The following CAPS2 variants were observed in gnomAD, a reference collection of about 807,000 sequenced individuals.
CAPS2 encodes the protein calcyphosin-2.
In CAPS2, 98 loss-of-function variants were observed where a neutral mutation model predicts 86.5. The ratio of observed to expected loss-of-function variants is 1.13; its 90% confidence interval spans 0.96 to 1.34. The LOEUF is 1.34. Ranked by LOEUF, CAPS2 falls within the 40% of genes most tolerant of loss-of-function variation. CAPS2 has a pLI of 0.00. For synonymous variants in CAPS2, 210 were observed against 225.1 expected, an observed-to-expected ratio of 0.93 and a Z score of 0.60; for missense variants, 729 against 686.8, an observed-to-expected ratio of 1.06 and a Z score of -0.69.
At chr12:75,350,015 A>G (rs2139425346) in intron 1 of CAPS2, among the ~76,000 whole-genome samples, 1 of 152,330 alleles carries the variant, frequency 6.6e-6, no homozygotes, top group Admixed American at 6.5e-5. Flanking sequence ...GGTGCCCACC[A>G]CCACTGTGGC....
rs2044597039 is a variant in CAPS2 at position 75,375,347 on chromosome 12, C to T, written c.-395+15491G>A. ...GGAGGACCACAATGATGTTTTGGAT[C>T]CCCGGGAATCAATGTCAGCTCAGAG... On this transcript the variant is annotated intron_variant, in intron 1 of 5. Coordinates refer to the CAPS2 transcript ENST00000551829. 2.0e-5 allele frequency among the ~76,000 whole-genome samples: 3 copies of T among 152,124 alleles called. No homozygotes were observed. In the South Asian group the frequency reaches 6.2e-4, roughly 32 times the overall value.
At chr12:75,383,410 T>C (rs1001906777) in intron 1 of CAPS2, among the ~76,000 whole-genome samples, 5 of 152,106 alleles carry the variant, frequency 3.3e-5, no homozygotes, top group African/African-American at 9.7e-5. Context: ...GCAGCCAACT[T>C]CAAAACAAGG....
At chr12:75,310,424 G>C (rs186299941) in intron 7 of CAPS2, among the ~76,000 whole-genome samples, 1 of 152,128 alleles carries the variant, frequency 6.6e-6, no homozygotes, top group African/African-American at 2.4e-5. Flanking sequence ...GGCATTCCAA[G>C]AAGAGGGGAA....
chr12:75,378,579 T>C (rs1252825420), intron 1 of CAPS2, among the ~76,000 whole-genome samples: 2 of 152,186 alleles, frequency 1.3e-5, no homozygotes, highest in Non-Finnish European at 1.5e-5. Flanking sequence ...AGTCCAAATG[T>C]TGAAAACTCA....
chr12:75,377,685 G>A (rs2044723141), intron 1 of CAPS2, among the ~76,000 whole-genome samples: 1 of 152,050 alleles, frequency 6.6e-6, no homozygotes, highest in East Asian at 1.9e-4. Flanking sequence ...GCAGCTGACT[G>A]GATGGTACCT....
chr12:75,362,269 C>A (rs1184987556), intron 1 of CAPS2, among the ~76,000 whole-genome samples: 3 of 152,072 alleles, frequency 2.0e-5, no homozygotes, highest in Non-Finnish European at 4.4e-5. Context: ...TGCTCATCAT[C>A]ATTCATCATT....
chr12:75,386,009 T>C (rs1309495056), intron 1 of CAPS2, among the ~76,000 whole-genome samples: 1 of 152,178 alleles, frequency 6.6e-6, no homozygotes, highest in African/African-American at 2.4e-5. Flanking sequence ...ATTTGTTCAT[T>C]CTATTTCCTT....
upstream of CAPS2, chr12:75,334,867 A>G (rs781691819): frequency 1.2e-6 from 2 of 1,614,164 alleles, no homozygotes; most frequent in Non-Finnish European, 1.7e-6. Context: ...ATGGCGTGGC[A>G]AAGTCAACCC....
At chr12:75,334,882 G>A (rs753126967), upstream of CAPS2, 2 of 1,613,968 alleles carry the variant, frequency 1.2e-6, no homozygotes, top group South Asian at 1.1e-5. Flanking sequence ...CAACCCTCCC[G>A]CGGCCGACAT....
chr12:75,369,708 T>G (rs984534045), intron 1 of CAPS2: 3 of 985,068 alleles, frequency 3.0e-6, no homozygotes, highest in African/African-American at 3.5e-5. Context: ...TATAGCTTTT[T>G]CTGGTTTTGA....
At chr12:75,279,922 T>C (rs1186375280) in intron 16 of CAPS2, among the ~76,000 whole-genome samples, 1 of 151,736 alleles carries the variant, frequency 6.6e-6, no homozygotes, top group African/African-American at 2.4e-5. Context: ...TTTAACACAG[T>C]TTTTTTTCTG....
exon 17 of CAPS2, chr12:75,278,931 C>T (rs1220365076): frequency 1.2e-6 from 2 of 1,601,698 alleles, no homozygotes; most frequent in Non-Finnish European, 1.7e-6. Flanking sequence ...ACAAAGTCTT[C>T]ATCATCTACT....
chr12:75,289,668 C>T (rs1242080836), exon 14 of CAPS2: 1 of 1,613,264 alleles, frequency 6.2e-7, no homozygotes, highest in Non-Finnish European at 8.5e-7. Context: ...TGCTTAAAAT[C>T]TGCCTTATCT....
rs546046567 is a variant in CAPS2, at chr12:75,287,099, CAT to C, written c.1396-2021_1396-2020del. Reference sequence around the variant, plus strand: ...ACACACAAACACACACATATATATACATATATATATATTATATATATATGTTT... The same window carrying C: ...ACACACAAACACACACATATATATACATATATATATTATATATATATGTTT... On this transcript the variant is annotated intron_variant, in intron 14 of 16. Coordinates refer to ENST00000393284, the Ensembl canonical transcript of CAPS2. Among the ~76,000 whole-genome samples the C allele has an allele frequency of 1.1e-4, 16 of 149,736 alleles. No individual in the cohort carries two copies. In the South Asian group the frequency reaches 2.3e-3, roughly 22 times the overall value.
chr12:75,285,970 C>A (rs532074502), intron 14 of CAPS2, among the ~76,000 whole-genome samples: 2 of 152,062 alleles, frequency 1.3e-5, no homozygotes, highest in South Asian at 2.1e-4. Flanking sequence ...TTACCATTAC[C>A]ATTTACTTCT....
intron 1 of CAPS2, among the ~76,000 whole-genome samples, chr12:75,359,312 T>C (rs1284337700): frequency 6.8e-6 from 1 of 146,554 alleles, no homozygotes; most frequent in African/African-American, 2.5e-5. Context: ...TAGCGACATA[T>C]ATGTTGTTCA....
intron 11 of CAPS2, among the ~76,000 whole-genome samples, chr12:75,294,596 G>C (rs1264596727): frequency 6.6e-6 from 1 of 152,110 alleles, no homozygotes; most frequent in Non-Finnish European, 1.5e-5. Context: ...GATATGAAAA[G>C]TTTGTTTTTT....
Position 75,323,167 on chromosome 12 carries a change from TA to T in CAPS2, c.177+9del. 6.5e-7 allele frequency: 1 copy of T among 1,529,554 alleles called. No homozygotes were observed. The allele number at this position is 1,529,554 out of a possible 1,614,324, so 94.7% of individuals were successfully genotyped here. On this transcript the variant is annotated intron_variant, in intron 3 of 16. Coordinates refer to ENST00000393284, the Ensembl canonical transcript of CAPS2. ...AATGTTTATTATATTAAATACTAAATAAAAATTACCTCATCATCAGAGTCAA... is the reference window on the plus strand; with the variant it reads ...AATGTTTATTATATTAAATACTAAATAAAATTACCTCATCATCAGAGTCAA...
chr12:75,347,502 T>C (rs2042531607), intron 1 of CAPS2: 2 of 468,710 alleles, frequency 4.3e-6, no homozygotes, highest in Non-Finnish European at 7.5e-6. Flanking sequence ...AATATGTAAC[T>C]AATAAATATT....
Sources: gnomAD v4.1 joint callset for allele counts (sites outside exome capture counted in the v4.1 genomes callset) on GRCh38, gnomAD v4.1.1 for gene constraint, MANE v1.5 for transcripts, NCBI Gene and HGNC (gene_info 2026-07-23, HGNC 2026-07-21) for gene names.